ENTREP2: variants seen among roughly 807,000 people sequenced by gnomAD.
The protein encoded by ENTREP2 is endosomal transmembrane epsin interactor 2.
At chr15:29,129,625 G>C in the ENTREP2 span, among the ~76,000 whole-genome samples, 133 of 152,320 alleles carry the variant, frequency 8.7e-4, no homozygotes, top group African/African-American at 3.1e-3. Flanking sequence ...TGGGATTATA[G>C]GCATGAGCTA....
At chr15:29,230,241 A>T in the ENTREP2 span, among the ~76,000 whole-genome samples, 1 of 152,268 alleles carries the variant, frequency 6.6e-6, no homozygotes, top group East Asian at 1.9e-4. Context: ...TGGCGTTTCC[A>T]ATCTTATTTC....
At chr15:29,542,535 A>G in the ENTREP2 span, among the ~76,000 whole-genome samples, 1 of 147,470 alleles carries the variant, frequency 6.8e-6, no homozygotes, top group Non-Finnish European at 1.5e-5. Context: ...CGATCTCCTG[A>G]CCTCGTGATC....
the ENTREP2 span, among the ~76,000 whole-genome samples, chr15:29,655,749 G>A: frequency 6.6e-6 from 1 of 152,076 alleles, no homozygotes; most frequent in African/African-American, 2.4e-5. Context: ...AAACAAACCG[G>A]GCACAGTGGC....
At chr15:29,182,404 C>T in the ENTREP2 span, among the ~76,000 whole-genome samples, 1 of 152,080 alleles carries the variant, frequency 6.6e-6, no homozygotes, top group African/African-American at 2.4e-5. Flanking sequence ...GGATTACAGG[C>T]ATGGCCACTG....
At chr15:29,637,370 T>A in the ENTREP2 span, among the ~76,000 whole-genome samples, 307 of 152,258 alleles carry the variant, frequency 2.0e-3, 1 homozygote, top group African/African-American at 7.0e-3. Context: ...GTGCTTGCAA[T>A]GGGGACATAT....
chr15:29,629,421 T>C, the ENTREP2 span, among the ~76,000 whole-genome samples: 1 of 152,226 alleles, frequency 6.6e-6, no homozygotes, highest in African/African-American at 2.4e-5. Flanking sequence ...TGAATGTTAT[T>C]TAGAATTTCA....
the ENTREP2 span, among the ~76,000 whole-genome samples, chr15:29,565,949 A>T: frequency 6.7e-6 from 1 of 150,314 alleles, no homozygotes; most frequent in South Asian, 2.1e-4. Context: ...CGATAGAGCA[A>T]GGCTCTGTCT....
chr15:29,205,041 C>T, the ENTREP2 span, among the ~76,000 whole-genome samples: 1 of 152,188 alleles, frequency 6.6e-6, no homozygotes, highest in Admixed American at 6.5e-5. Flanking sequence ...GGATTCACTA[C>T]TCCAGGTACC....
the ENTREP2 span, among the ~76,000 whole-genome samples, chr15:29,558,251 C>G: frequency 6.6e-6 from 1 of 152,082 alleles, no homozygotes; most frequent in African/African-American, 2.4e-5. Flanking sequence ...GAACACTGCC[C>G]ACGCTGCCTA....
chr15:29,413,044 C>A, the ENTREP2 span, among the ~76,000 whole-genome samples: 1 of 151,878 alleles, frequency 6.6e-6, no homozygotes, highest in East Asian at 1.9e-4. Context: ...TTATTAAAAT[C>A]TTTTTTTAAT....
At chr15:29,131,303 G>T in the ENTREP2 span, among the ~76,000 whole-genome samples, 1 of 151,834 alleles carries the variant, frequency 6.6e-6, no homozygotes, top group African/African-American at 2.4e-5. Context: ...TCAGGACCTG[G>T]TGCTGCTCCT....
At chr15:29,154,862 G>A in the ENTREP2 span, among the ~76,000 whole-genome samples, 2 of 152,246 alleles carry the variant, frequency 1.3e-5, no homozygotes, top group Non-Finnish European at 2.9e-5. Context: ...CTGTGAAACA[G>A]TAAAGAAGTG....
At chr15:29,389,565 C>T in the ENTREP2 span, among the ~76,000 whole-genome samples, 1 of 152,214 alleles carries the variant, frequency 6.6e-6, no homozygotes, top group African/African-American at 2.4e-5. Flanking sequence ...AGGTATAGTT[C>T]TGCCAGTAAC....
chr15:29,345,696 C>T, the ENTREP2 span, among the ~76,000 whole-genome samples: 5 of 151,974 alleles, frequency 3.3e-5, no homozygotes, highest in African/African-American at 1.2e-4. Context: ...CCCACATCCC[C>T]CCCAGCTCCT....
At chr15:29,402,265 T>TATATATATATATATATATACACACAC in the ENTREP2 span, among the ~76,000 whole-genome samples, 6 of 137,782 alleles carry the variant, frequency 4.4e-5, no homozygotes, top group African/African-American at 1.3e-4. Flanking sequence ...TATATATATA[T>TATATATATATATATATATACACACAC]ACACACACAT....
At chr15:29,404,857 C>T in the ENTREP2 span, among the ~76,000 whole-genome samples, 1 of 152,100 alleles carries the variant, frequency 6.6e-6, no homozygotes, top group South Asian at 2.1e-4. Flanking sequence ...CCAGATGTGC[C>T]TGTCAGGGTC....
chr15:29,176,099 C>CTTAT, the ENTREP2 span, among the ~76,000 whole-genome samples: 1 of 152,242 alleles, frequency 6.6e-6, no homozygotes, highest in African/African-American at 2.4e-5. Flanking sequence ...TTTCAACGAT[C>CTTAT]TTATTAGCCT....
chr15:29,333,624 C>T, the ENTREP2 span, among the ~76,000 whole-genome samples: 1 of 152,166 alleles, frequency 6.6e-6, no homozygotes, highest in South Asian at 2.1e-4. Context: ...AGATTTTCCC[C>T]ATAGCCTTAT....
At chr15:29,124,794 A>G in the ENTREP2 span, 9 of 1,522,566 alleles carry the variant, frequency 5.9e-6, no homozygotes, top group Non-Finnish European at 8.0e-6. Flanking sequence ...TGAACACATG[A>G]AAGGAAAAAG....
Sources: allele counts gnomAD v4.1 joint callset (sites outside exome capture counted in the v4.1 genomes callset), GRCh38; gene constraint gnomAD v4.1.1; transcripts MANE v1.5; gene names NCBI Gene and HGNC (gene_info 2026-07-23, HGNC 2026-07-21).